The following CCNJL variants were observed in gnomAD, a reference collection of about 807,000 sequenced individuals.
CCNJL encodes the protein cyclin-J-like protein.
In CCNJL, 33 loss-of-function variants were observed where a neutral mutation model predicts 33.4. The ratio of observed to expected loss-of-function variants is 0.99; its 90% CI spans 0.75 to 1.32. CCNJL has a LOEUF of 1.32. Ranked by LOEUF, CCNJL falls within the 40% of genes most tolerant of loss-of-function variation. CCNJL has a pLI of 0.00. For missense variants in CCNJL, 512 were observed against 499.7 expected (o/e 1.02, Z -0.23); for synonymous variants, 227 against 220.9 (o/e 1.03, Z -0.24).
At chr5:160,276,106 A>T (rs1313618898) in intron 3 of CCNJL, among the ~76,000 whole-genome samples, 1 of 152,182 alleles carries the variant, frequency 6.6e-6, no homozygotes, top group Non-Finnish European at 1.5e-5. Flanking sequence ...TCATAAAAAG[A>T]AATGAAGGCT....
intron 2 of CCNJL, among the ~76,000 whole-genome samples, chr5:160,309,803 G>A (rs1763206154): frequency 6.6e-6 from 1 of 152,178 alleles, no homozygotes; most frequent in African/African-American, 2.4e-5. Flanking sequence ...GTCCTAATAA[G>A]GCCAGCTTTA....
At chr5:160,271,611 G>A (rs945896995) in intron 3 of CCNJL, among the ~76,000 whole-genome samples, 25 of 152,206 alleles carry the variant, frequency 1.6e-4, no homozygotes, top group Admixed American at 1.4e-3. Context: ...TTCGAGCCCC[G>A]TGCCCAGATT....
intron 2 of CCNJL, among the ~76,000 whole-genome samples, chr5:160,285,052 T>C (rs1762360082): frequency 1.3e-5 from 2 of 152,166 alleles, no homozygotes; most frequent in South Asian, 4.2e-4. Context: ...TAGCTGGGCA[T>C]GGTGGCACGC....
chr5:160,339,072 C>T (rs1025922610), intron 1 of CCNJL, among the ~76,000 whole-genome samples: 8 of 152,196 alleles, frequency 5.3e-5, no homozygotes, highest in Admixed American at 1.3e-4. Context: ...CAGGCATGAG[C>T]CACCGCACCC....
At chr5:160,283,760 C>T (rs548786327) in intron 2 of CCNJL, among the ~76,000 whole-genome samples, 2 of 152,212 alleles carry the variant, frequency 1.3e-5, no homozygotes, top group South Asian at 4.1e-4. Context: ...TCCCCACCTC[C>T]CCCACAACCC....
At chr5:160,290,618 C>T (rs1762552071) in intron 2 of CCNJL, among the ~76,000 whole-genome samples, 1 of 151,940 alleles carries the variant, frequency 6.6e-6, no homozygotes, top group Non-Finnish European at 1.5e-5. Flanking sequence ...CTGTGAGATC[C>T]CCCCCAAGCA....
intron 3 of CCNJL, among the ~76,000 whole-genome samples, chr5:160,267,750 T>G (rs1761665682): frequency 6.6e-6 from 1 of 152,164 alleles, no homozygotes; most frequent in African/African-American, 2.4e-5. Flanking sequence ...GTTGAAGAGA[T>G]AGTGTCTCAC....
At chr5:160,269,045 C>G (rs6556486) in intron 3 of CCNJL, among the ~76,000 whole-genome samples, 15,801 of 152,214 alleles carry the variant, frequency 0.1, 1,138 homozygotes, top group South Asian at 0.24. Context: ...AATTCCTGAG[C>G]CCAGTTTTAA....
At position 160,253,567 on chromosome 5, in the gene CCNJL, ACTCCCCGAGAG is replaced by A. The variant is rs747381182; in HGVS notation, c.964_974del (p.Leu322TyrfsTer27). 1 of 1,613,886 alleles carries A rather than the reference ACTCCCCGAGAG, an allele frequency of 6.2e-7. No individual in the cohort carries two copies. The highest frequency in any genetic ancestry group is 1.3e-5 in the African/African-American group (1 of 74,934). On this transcript the variant is annotated frameshift_variant, in exon 6 of 6. Transcript: ENST00000257536. LOFTEE classifies it high-confidence loss of function. Reference sequence around the variant, plus strand: ...ACGGGGTGTGGAGGGATGAGCCTGTACTCCCCGAGAGCAGGCTCCCTGAACGGTGGGCCTGC... The same window carrying A: ...ACGGGGTGTGGAGGGATGAGCCTGTACAGGCTCCCTGAACGGTGGGCCTGC...
At chr5:160,256,833 G>A (rs1034927008) in intron 4 of CCNJL, among the ~76,000 whole-genome samples, 12 of 151,604 alleles carry the variant, frequency 7.9e-5, no homozygotes, top group Admixed American at 2.6e-4. Flanking sequence ...CAGGAGAATC[G>A]CTTGAACCCG....
At chr5:160,291,022 AC>A (rs1215382904) in intron 2 of CCNJL, among the ~76,000 whole-genome samples, 3 of 127,872 alleles carry the variant, frequency 2.3e-5, no homozygotes, top group African/African-American at 6.4e-5. Context: ...ACATAGAAAC[AC>A]CCCGTCTTTA....
chr5:160,258,214 T>C (rs1363581556), intron 4 of CCNJL: 7 of 586,536 alleles, frequency 1.2e-5, no homozygotes, highest in South Asian at 1.1e-4. Context: ...GTATCAACAG[T>C]ATTTTTTTTT....
intron 3 of CCNJL, among the ~76,000 whole-genome samples, chr5:160,267,179 T>C (rs1761630701): frequency 6.6e-6 from 1 of 152,164 alleles, no homozygotes; most frequent in Admixed American, 6.5e-5. Context: ...GCATCAAATG[T>C]GCTGGCAGAC....
chr5:160,321,100 TTCTC>T (rs1206323619), intron 1 of CCNJL, among the ~76,000 whole-genome samples: 1 of 146,724 alleles, frequency 6.8e-6, no homozygotes, highest in Non-Finnish European at 1.5e-5. Context: ...CCTTCTCTCT[TTCTC>T]TCTCTCTCTT....
chr5:160,275,220 G>A (rs1017515014), intron 3 of CCNJL, among the ~76,000 whole-genome samples: 3 of 152,020 alleles, frequency 2.0e-5, no homozygotes, highest in African/African-American at 7.2e-5. Flanking sequence ...GAGTAGGTGG[G>A]ATTACAGGTG....
intron 3 of CCNJL, among the ~76,000 whole-genome samples, chr5:160,270,270 C>A (rs1761779379): frequency 6.6e-6 from 1 of 152,152 alleles, no homozygotes; most frequent in Admixed American, 6.5e-5. Context: ...ATGGTGAAAC[C>A]CTGTCTCTAC....
intron 1 of CCNJL, among the ~76,000 whole-genome samples, chr5:160,321,335 T>C (rs1763461942): frequency 1.3e-5 from 2 of 152,088 alleles, no homozygotes; most frequent in African/African-American, 4.8e-5. Flanking sequence ...GGAAGGAGAC[T>C]GAGACTGGAC....
At chr5:160,332,356 G>A (rs976904585) in intron 1 of CCNJL, among the ~76,000 whole-genome samples, 9 of 152,132 alleles carry the variant, frequency 5.9e-5, no homozygotes, top group African/African-American at 1.9e-4. Context: ...CTAACCAGTC[G>A]CCTTACATCT....
Position 160,338,433 on chromosome 5 carries a change from CTT to C in CCNJL, n.206+1010_206+1011del, listed in dbSNP as rs1763709713. On this transcript the variant is annotated intron_variant and non_coding_transcript_variant, in intron 1 of 7. Coordinates refer to the CCNJL transcript ENST00000377503. ...CCCCCCAAAAAAAGCCAAACCTTCTCTTTGTCTCTGGAACGTATCTTCATTTT... is the reference window on the plus strand; with the variant it reads ...CCCCCCAAAAAAAGCCAAACCTTCTCTGTCTCTGGAACGTATCTTCATTTT... Among the ~76,000 whole-genome samples, 6 of 149,026 alleles carry C rather than the reference CTT, an allele frequency of 4.0e-5. No individual in the cohort carries two copies. In the South Asian group the frequency reaches 1.3e-3, roughly 32 times the overall value.
Sources: gnomAD v4.1 joint callset for allele counts (sites outside exome capture counted in the v4.1 genomes callset) on GRCh38, gnomAD v4.1.1 for gene constraint, MANE v1.5 for transcripts, NCBI Gene and HGNC (gene_info 2026-07-23, HGNC 2026-07-21) for gene names.